Variants in PEAK1 observed in about 807,000 individuals in gnomAD.
PEAK1 encodes the protein inactive tyrosine-protein kinase PEAK1.
A neutral mutation model predicts 124.7 loss-of-function variants in PEAK1; 54 were observed. The ratio of observed to expected loss-of-function variants is 0.43; its 90% CI spans 0.35 to 0.54. The LOEUF (loss-of-function observed/expected upper bound fraction) is 0.54. Ranked by LOEUF, PEAK1 falls within the 20% of genes least tolerant of loss-of-function variation. The probability of loss-of-function intolerance (pLI) is 0.01; values close to 1 mark genes in which losing one functional copy is unlikely to be tolerated. For missense variants in PEAK1, 2,046 were observed against 2,134.5 expected (o/e 0.96, Z 0.82); for synonymous variants, 719 against 760.0 (o/e 0.95, Z 0.89).
chr15:77,255,377 C>A (rs1366295417), intron 5 of PEAK1: 4 of 983,296 alleles, frequency 4.1e-6, no homozygotes, highest in Non-Finnish European at 4.8e-6. Context: ...CTGCCGGTAC[C>A]AATCCTTATT....
chr15:77,325,165 T>G (rs1168393850), intron 2 of PEAK1, among the ~76,000 whole-genome samples: 1 of 152,188 alleles, frequency 6.6e-6, no homozygotes, highest in Non-Finnish European at 1.5e-5. Flanking sequence ...ATGCCTACAA[T>G]CTCAACAATT....
intron 2 of PEAK1, among the ~76,000 whole-genome samples, chr15:77,364,102 G>C (rs1339268370): frequency 6.6e-6 from 1 of 152,150 alleles, no homozygotes; most frequent in Non-Finnish European, 1.5e-5. Context: ...GGGAGGCTGA[G>C]GTAGGAGAAC....
At chr15:77,148,901 G>A (rs186963325) in intron 8 of PEAK1, among the ~76,000 whole-genome samples, 131 of 152,246 alleles carry the variant, frequency 8.6e-4, no homozygotes, top group Admixed American at 1.7e-3. Context: ...CAGCATGGGC[G>A]ATAGAGCAAG....
chr15:77,402,950 A>T (rs900621344), intron 1 of PEAK1: 3 of 985,310 alleles, frequency 3.0e-6, no homozygotes, highest in Non-Finnish European at 3.6e-6. Context: ...TTTCATGAAG[A>T]TCACTTTGAA....
chr15:77,183,431 A>C (rs1420237122), intron 6 of PEAK1, among the ~76,000 whole-genome samples: 1 of 152,244 alleles, frequency 6.6e-6, no homozygotes, highest in Non-Finnish European at 1.5e-5. Flanking sequence ...AAAATTATAA[A>C]ATAAAATTAT....
At chr15:77,194,362 C>T (rs922093927) in intron 6 of PEAK1, among the ~76,000 whole-genome samples, 31 of 152,094 alleles carry the variant, frequency 2.0e-4, no homozygotes, top group African/African-American at 7.5e-4. Context: ...ATTAATTGTT[C>T]TCAGTTGCAT....
At chr15:77,192,400 T>C (rs185131141) in intron 6 of PEAK1, among the ~76,000 whole-genome samples, 1 of 152,278 alleles carries the variant, frequency 6.6e-6, no homozygotes, top group East Asian at 1.9e-4. Context: ...TGACAATAGG[T>C]TTCCACAGGA....
chr15:77,273,851 AG>A (rs1313364234), intron 5 of PEAK1, among the ~76,000 whole-genome samples: 6 of 152,182 alleles, frequency 3.9e-5, no homozygotes, highest in Admixed American at 6.5e-5. Flanking sequence ...ACAAATTTGG[AG>A]GCATCACATT....
intron 2 of PEAK1, chr15:77,352,975 C>G: frequency 1.0e-6 from 1 of 985,394 alleles, no homozygotes; most frequent in Non-Finnish European, 1.2e-6. Context: ...GCATTACCCT[C>G]ACATTAAATA....
At chr15:77,393,177 A>G (rs1336173339) in intron 1 of PEAK1, among the ~76,000 whole-genome samples, 1 of 152,110 alleles carries the variant, frequency 6.6e-6, no homozygotes, top group East Asian at 1.9e-4. Context: ...TTCTAAATAA[A>G]CTTGAAAGGC....
chr15:77,363,641 G>GT (rs1386739819), intron 2 of PEAK1, among the ~76,000 whole-genome samples: 1 of 152,106 alleles, frequency 6.6e-6, no homozygotes, highest in Non-Finnish European at 1.5e-5. Context: ...TCCTAATTCG[G>GT]TAAGTGATTA....
At chr15:77,147,555 T>G (rs959091111) in intron 8 of PEAK1, among the ~76,000 whole-genome samples, 4 of 152,156 alleles carry the variant, frequency 2.6e-5, no homozygotes, top group African/African-American at 9.7e-5. Flanking sequence ...TATTTTGAGA[T>G]AAACACAGAA....
intron 5 of PEAK1, chr15:77,278,761 T>C (rs1597076603): frequency 2.1e-6 from 1 of 473,250 alleles, no homozygotes; most frequent in Admixed American, 2.3e-5. Context: ...TTGATAACTG[T>C]GTACTTCTGG....
chr15:77,399,144 T>C (rs1215661538), intron 1 of PEAK1, among the ~76,000 whole-genome samples: 2 of 152,304 alleles, frequency 1.3e-5, no homozygotes, highest in East Asian at 1.9e-4. Flanking sequence ...ACCATGTTCA[T>C]GGATTGGAAG....
intron 8 of PEAK1, among the ~76,000 whole-genome samples, chr15:77,137,466 C>T (rs1287256174): frequency 6.6e-6 from 1 of 152,188 alleles, no homozygotes; most frequent in African/African-American, 2.4e-5. Flanking sequence ...CATGGGAACC[C>T]ATGTCTTGCA....
chr15:77,270,814 T>A (rs2061989917), intron 5 of PEAK1, among the ~76,000 whole-genome samples: 1 of 152,204 alleles, frequency 6.6e-6, no homozygotes, highest in Non-Finnish European at 1.5e-5. Context: ...AAGCATGGAA[T>A]GTTCTTCCAT....
At position 77,179,661 on chromosome 15, in the gene PEAK1, T is replaced by A; in HGVS notation, c.2266A>T (p.Ser756Cys). Residue 756 changes from serine to cysteine, a missense_variant, in exon 7 of 10, where the codon AGC (serine) becomes TGC (cysteine). By Grantham distance (112) the Ser-to-Cys change is moderately radical (BLOSUM62 -1). Coordinates refer to ENST00000682557, the MANE Select transcript of PEAK1 (RefSeq NM_001385026.1). ...EGTQESQMVG[S>C]SSTREKASTV... ...CTTGCTTTCTCTCTGGTGCTGCTGC[T>A]GCCCACCATCTGAGACTCCTGAGTG... 1 of 1,614,152 alleles carries A rather than the reference T, an allele frequency of 6.2e-7. No individual in the cohort carries two copies. Among genetic ancestry groups the A allele is most frequent in the Non-Finnish European group, 8.5e-7 (1 of 1,180,012 alleles).
intron 9 of PEAK1, among the ~76,000 whole-genome samples, chr15:77,128,576 C>CA (rs2052582168): frequency 6.6e-6 from 1 of 152,156 alleles, no homozygotes; most frequent in Non-Finnish European, 1.5e-5. Context: ...GGGAGAGTAT[C>CA]AAACCAAAGA....
chr15:77,342,222 A>G (rs2066586075), intron 2 of PEAK1, among the ~76,000 whole-genome samples: 1 of 151,392 alleles, frequency 6.6e-6, no homozygotes, highest in Non-Finnish European at 1.5e-5. Context: ...ACAATTCAGT[A>G]ATGTTAAGTA....
Sources: gnomAD v4.1 joint callset for allele counts (sites outside exome capture counted in the v4.1 genomes callset) on GRCh38, gnomAD v4.1.1 for gene constraint, MANE v1.5 for transcripts, NCBI Gene and HGNC (gene_info 2026-07-23, HGNC 2026-07-21) for gene names.